Variants in EIF4EBP2 observed in about 807,000 individuals in gnomAD.
EIF4EBP2 encodes eukaryotic translation initiation factor 4E binding protein 2.
A neutral mutation model predicts 10.3 loss-of-function variants in EIF4EBP2; 5 were observed. That is an observed-to-expected ratio of 0.48 (90% CI 0.25 to 1.02). The LOEUF (loss-of-function observed/expected upper bound fraction) is 1.02. Ranked by LOEUF, EIF4EBP2 falls within the 50% of genes least tolerant of loss-of-function variation. The pLI is 0.15. For synonymous variants in EIF4EBP2, 67 were observed against 61.1 expected (o/e 1.10, Z -0.45); for missense variants, 188 against 162.2 (o/e 1.16, Z -0.86).
chr10:70,418,844 C>T (rs1160465185), intron 1 of EIF4EBP2, among the ~76,000 whole-genome samples: 1 of 152,184 alleles, frequency 6.6e-6, no homozygotes, highest in Admixed American at 6.5e-5. Flanking sequence ...GAGGCAGGAT[C>T]TTGCTCTGTT....
chr10:70,412,698 A>T (rs533396747), intron 1 of EIF4EBP2, among the ~76,000 whole-genome samples: 5 of 152,142 alleles, frequency 3.3e-5, no homozygotes, highest in African/African-American at 1.2e-4. Flanking sequence ...TCAAAGGTAG[A>T]TAGGGTTTTT....
At chr10:70,405,505 TGAGGAGCCTTATTG>T (rs1050608985) in intron 1 of EIF4EBP2, among the ~76,000 whole-genome samples, 4 of 152,212 alleles carry the variant, frequency 2.6e-5, no homozygotes, top group Non-Finnish European at 2.9e-5. Context: ...AAAGCGATTT[TGAGGAGCCTTATTG>T]AAGGGAACGG....
intron 1 of EIF4EBP2, among the ~76,000 whole-genome samples, chr10:70,407,986 A>G (rs1392038392): frequency 1.1e-5 from 1 of 90,058 alleles, no homozygotes; most frequent in African/African-American, 4.5e-5. Flanking sequence ...CGGGGGGCTG[A>G]CCCCCCCACC....
chr10:70,407,226 A>G (rs575481155), intron 1 of EIF4EBP2, among the ~76,000 whole-genome samples: 3 of 152,002 alleles, frequency 2.0e-5, no homozygotes, highest in South Asian at 2.1e-4. Context: ...CAAGTGAACA[A>G]AGGTCTCTGG....
chr10:70,421,870 A>C lies in EIF4EBP2; in HGVS notation c.*123A>C. 3.6e-6 allele frequency: 3 copies of C among 833,286 alleles called. No homozygotes were observed. Among genetic ancestry groups the C allele is most frequent in the South Asian group, 1.7e-5 (1 of 59,974 alleles). 51.6% of individuals were successfully genotyped at this position (833,286 alleles called of 1,614,324 possible). On this transcript the variant is annotated 3_prime_UTR_variant, in exon 3 of 3. Transcript: ENST00000373218. ...ACCAGCAGTCCCCATTACAGTCTCC[A>C]CCTCCCCGTCTTCCTCTGGGTGCCA...
rs1384369256 is a variant in EIF4EBP2 at position 70,423,245 on chromosome 10, T to A, written c.*1498T>A. ...GCAAGTCTGCTGTTCTATGTCACCA[T>A]CTTTTGTCTCCCCTAGTCCCCCAGG... On this transcript the variant is annotated 3_prime_UTR_variant, in exon 3 of 3. Coordinates refer to ENST00000373218, the MANE Select transcript of EIF4EBP2 (RefSeq NM_004096.5). 6.5e-6 allele frequency: 1 copy of A among 152,674 alleles called. No homozygotes were observed. Among genetic ancestry groups the A allele is most frequent in the Non-Finnish European group, 1.5e-5 (1 of 68,050 alleles). 9.5% of individuals were successfully genotyped at this position (152,674 alleles called of 1,614,324 possible). A position where few individuals can be genotyped will look rare whatever the true frequency, so the allele number is the denominator to read the frequency against.
chr10:70,412,997 T>G (rs1355527608), intron 1 of EIF4EBP2, among the ~76,000 whole-genome samples: 1 of 152,218 alleles, frequency 6.6e-6, no homozygotes, highest in African/African-American at 2.4e-5. Context: ...CAGTTTCTGT[T>G]TACAGTGCTT....
intron 1 of EIF4EBP2, among the ~76,000 whole-genome samples, chr10:70,406,051 G>A (rs1014310865): frequency 6.6e-6 from 1 of 152,118 alleles, no homozygotes; most frequent in Non-Finnish European, 1.5e-5. Context: ...GCACGACCTC[G>A]GCTCACTGCA....
chr10:70,405,756 A>G (rs1379339805), intron 1 of EIF4EBP2, among the ~76,000 whole-genome samples: 1 of 152,132 alleles, frequency 6.6e-6, no homozygotes, highest in Non-Finnish European at 1.5e-5. Context: ...CTTCTTGCCA[A>G]CACCAAGGGA....
chr10:70,419,977 C>A lies in EIF4EBP2; in HGVS notation c.209C>A (p.Thr70Asn), dbSNP rs778524794. 8 of 1,612,516 alleles carry A rather than the reference C, an allele frequency of 5.0e-6. No individual in the cohort carries two copies. In the African/African-American group the frequency reaches 9.4e-5, roughly 19 times the overall value. ...CGTCGCAATTCTCCCATGGCTCAGA[C>A]CCCACCCTGCCACCTGCCCAATATC... Reference protein sequence around the residue: ...LDRRNSPMAQTPPCHLPNIPG... With the variant: ...LDRRNSPMAQNPPCHLPNIPG... The change falls in exon 2 of 3, where the codon ACC (threonine) becomes AAC (asparagine). Residue 70 changes from threonine (T) to asparagine (N), a missense_variant. Transcript: ENST00000373218.
intron 1 of EIF4EBP2, 45 bp downstream of exon 1, chr10:70,404,591 GTCCTCTAAC>G: frequency 6.6e-7 from 1 of 1,507,338 alleles, no homozygotes; most frequent in African/African-American, 1.4e-5. Flanking sequence ...TCCCGCCGCG[GTCCTCTAAC>G]TCCTCGGCGC....
intron 2 of EIF4EBP2, among the ~76,000 whole-genome samples, chr10:70,421,017 G>T (rs1038948798): frequency 6.6e-6 from 1 of 151,904 alleles, no homozygotes; most frequent in African/African-American, 2.4e-5. Context: ...GGATGGTCTC[G>T]ATCTCCTGAC....
intron 2 of EIF4EBP2, among the ~76,000 whole-genome samples, chr10:70,421,312 G>A (rs970217864): frequency 5.9e-5 from 9 of 152,132 alleles, no homozygotes; most frequent in African/African-American, 2.2e-4. Flanking sequence ...CCCTAGATGG[G>A]GGCCAGCATT....
rs1198888721 is a variant in EIF4EBP2 at position 70,425,580 on chromosome 10, A to G, written c.*3833A>G. On this transcript the variant is annotated 3_prime_UTR_variant, in exon 3 of 3. Coordinates refer to ENST00000373218, the MANE Select transcript of EIF4EBP2 (RefSeq NM_004096.5). ...TCCCCAAAGCTACCTGCTGGTTTTG[A>G]GAGGGGTGGTAAGACATGGCAATTC... 2 of 152,210 alleles carry G rather than the reference A, an allele frequency of 1.3e-5. No homozygotes were observed. Among genetic ancestry groups the G allele is most frequent in the Non-Finnish European group, 2.9e-5 (2 of 68,044 alleles). 9.4% of individuals were successfully genotyped at this position (152,210 alleles called of 1,614,324 possible). A position where few individuals can be genotyped will look rare whatever the true frequency, so the allele number is the denominator to read the frequency against.
chr10:70,404,511 C>A lies in EIF4EBP2; in HGVS notation c.110C>A (p.Thr37Lys), dbSNP rs1303266493. 6.3e-7 allele frequency: 1 copy of A among 1,592,064 alleles called. No homozygotes were observed. The highest frequency in any genetic ancestry group is 1.1e-5 in the South Asian group (1 of 89,236). Residue 37 changes from threonine to lysine, a missense_variant, in exon 1 of 3, where the codon ACG becomes AAG. Coordinates refer to ENST00000373218, the MANE Select transcript of EIF4EBP2 (RefSeq NM_004096.5). ...CAGCTACCTCATGACTATTGCACCA[C>A]GCCCGGGGGGACGCTCTTCTCCACC... is the stretch of plus-strand genomic sequence containing the variant. The part of the protein sequence containing the change: ...AAQLPHDYCT[T>K]PGGTLFSTTP...
intron 1 of EIF4EBP2, among the ~76,000 whole-genome samples, chr10:70,408,008 C>T (rs865936614): frequency 5.9e-5 from 2 of 34,158 alleles, no homozygotes; most frequent in Middle Eastern, 0.014. Context: ...CCCTCCCGGA[C>T]GGGGCGGCTG....
intron 1 of EIF4EBP2, among the ~76,000 whole-genome samples, chr10:70,416,492 T>A (rs1338870772): frequency 1.3e-5 from 2 of 149,116 alleles, no homozygotes; most frequent in African/African-American, 5.0e-5. Context: ...GGCAGGAGAA[T>A]CGCTTGAACC....
At chr10:70,405,152 T>A (rs1844954104) in intron 1 of EIF4EBP2, among the ~76,000 whole-genome samples, 1 of 152,114 alleles carries the variant, frequency 6.6e-6, no homozygotes, top group Non-Finnish European at 1.5e-5. Context: ...GAGAGCGTGA[T>A]AAAATAAAGC....
In EIF4EBP2 at chr10:70,425,343, C is replaced by G. The variant is rs1275146213; in HGVS notation, c.*3596C>G. On this transcript the variant is annotated 3_prime_UTR_variant, in exon 3 of 3. Transcript: ENST00000373218. ...TTAGAAGCAAGCCACTAAGTTCAGC[C>G]TGCACTCAAGGAGAGAGGAATTACA... 1 of 152,266 alleles carries G rather than the reference C, an allele frequency of 6.6e-6. No individual in the cohort carries two copies. The highest frequency in any genetic ancestry group is 1.5e-5 in the Non-Finnish European group (1 of 68,074). 9.4% of individuals were successfully genotyped at this position (152,266 alleles called of 1,614,324 possible).
Sources: allele counts gnomAD v4.1 joint callset (sites outside exome capture counted in the v4.1 genomes callset), GRCh38; gene constraint gnomAD v4.1.1; transcripts MANE v1.5; gene names NCBI Gene and HGNC (gene_info 2026-07-23, HGNC 2026-07-21).